The following ENTREP2 variants were observed in gnomAD, a reference collection of about 807,000 sequenced individuals.
ENTREP2 encodes the protein protein ENTREP2.
chr15:29,642,660 T>C, the ENTREP2 span, among the ~76,000 whole-genome samples: 4 of 151,836 alleles, frequency 2.6e-5, no homozygotes, highest in African/African-American at 9.7e-5. Context: ...GTCCCCAGGC[T>C]GAAGTGCAGT....
the ENTREP2 span, among the ~76,000 whole-genome samples, chr15:29,399,817 C>T: frequency 6.6e-6 from 1 of 152,114 alleles, no homozygotes; most frequent in Admixed American, 6.6e-5. Flanking sequence ...TTAAGAAAGT[C>T]ATAAGGAAGA....
chr15:29,471,548 T>C, the ENTREP2 span, among the ~76,000 whole-genome samples: 1 of 151,894 alleles, frequency 6.6e-6, no homozygotes, highest in Non-Finnish European at 1.5e-5. Flanking sequence ...GGCTGGCAGA[T>C]CCCTAGGAAT....
At chr15:29,435,717 G>C in the ENTREP2 span, among the ~76,000 whole-genome samples, 1 of 151,666 alleles carries the variant, frequency 6.6e-6, no homozygotes, top group African/African-American at 2.4e-5. Context: ...ATATGTGTGT[G>C]TGTGTGTATA....
At chr15:29,365,994 G>A in the ENTREP2 span, among the ~76,000 whole-genome samples, 1 of 152,130 alleles carries the variant, frequency 6.6e-6, no homozygotes, top group Non-Finnish European at 1.5e-5. Context: ...CATTGACATG[G>A]ACTGTTAGAT....
At chr15:29,278,637 C>T in the ENTREP2 span, among the ~76,000 whole-genome samples, 60 of 152,284 alleles carry the variant, frequency 3.9e-4, no homozygotes, top group Middle Eastern at 0.01. Context: ...TACTTGCCAC[C>T]TCATACTTTT....
chr15:29,127,701 G>A, the ENTREP2 span, among the ~76,000 whole-genome samples: 1 of 152,184 alleles, frequency 6.6e-6, no homozygotes, highest in Non-Finnish European at 1.5e-5. Context: ...CCAGGTCCCA[G>A]GAGGGAGGAA....
At chr15:29,454,350 G>GTT in the ENTREP2 span, among the ~76,000 whole-genome samples, 2 of 152,104 alleles carry the variant, frequency 1.3e-5, no homozygotes, top group Non-Finnish European at 2.9e-5. Context: ...GGTGGACAGC[G>GTT]TATGTCCTGA....
chr15:29,234,937 TA>T, the ENTREP2 span: 1 of 1,537,246 alleles, frequency 6.5e-7, no homozygotes, highest in Non-Finnish European at 9.0e-7. Flanking sequence ...CTGAGCCAGA[TA>T]AAATATATTC....
the ENTREP2 span, chr15:29,123,362 C>T: frequency 1.0e-4 from 155 of 1,541,002 alleles, 1 homozygote; most frequent in Middle Eastern, 8.4e-4. Flanking sequence ...AGAACGTCAG[C>T]GCCGAAGACG....
the ENTREP2 span, among the ~76,000 whole-genome samples, chr15:29,289,613 AG>A: frequency 6.6e-6 from 1 of 152,112 alleles, no homozygotes; most frequent in African/African-American, 2.4e-5. Context: ...TGGGAGGCCG[AG>A]GTGGGTGGAT....
At chr15:29,181,478 T>C in the ENTREP2 span, among the ~76,000 whole-genome samples, 2 of 152,140 alleles carry the variant, frequency 1.3e-5, no homozygotes, top group Non-Finnish European at 1.5e-5. Context: ...GAAAGCTTGA[T>C]TCATATAATT....
the ENTREP2 span, among the ~76,000 whole-genome samples, chr15:29,320,123 A>G: frequency 2.4e-4 from 36 of 152,328 alleles, no homozygotes; most frequent in South Asian, 4.4e-3. Context: ...ATAAAAGGCT[A>G]GAAACGCTTG....
chr15:29,411,873 C>G, the ENTREP2 span, among the ~76,000 whole-genome samples: 2 of 152,188 alleles, frequency 1.3e-5, no homozygotes, highest in African/African-American at 4.8e-5. Context: ...TCCCTGAATT[C>G]TGCTCCTGGC....
At chr15:29,484,999 C>A in the ENTREP2 span, among the ~76,000 whole-genome samples, 1 of 152,128 alleles carries the variant, frequency 6.6e-6, no homozygotes, top group Non-Finnish European at 1.5e-5. Flanking sequence ...AACCCCAAGA[C>A]TCACCCTGCA....
At chr15:29,267,753 C>T in the ENTREP2 span, 1 of 152,062 alleles carries the variant, frequency 6.6e-6, no homozygotes, top group African/African-American at 2.4e-5. Flanking sequence ...AGTGGCAGCT[C>T]CAGACCAAGG....
At chr15:29,126,488 G>A in the ENTREP2 span, 1 of 1,550,008 alleles carries the variant, frequency 6.5e-7, no homozygotes, top group Non-Finnish European at 8.7e-7. Context: ...GCTGTCAGCT[G>A]GTACTGCAAG....
the ENTREP2 span, among the ~76,000 whole-genome samples, chr15:29,615,575 T>G: frequency 6.6e-6 from 1 of 152,100 alleles, no homozygotes; most frequent in Non-Finnish European, 1.5e-5. Context: ...GTCTTACCCC[T>G]TAAAAGGTGT....
At chr15:29,675,390 G>C in the ENTREP2 span, 1 of 152,350 alleles carries the variant, frequency 6.6e-6, no homozygotes, top group Non-Finnish European at 1.5e-5. Flanking sequence ...CACCCGCAGC[G>C]AGGGGCCGGT....
the ENTREP2 span, among the ~76,000 whole-genome samples, chr15:29,455,874 T>C: frequency 4.6e-5 from 7 of 152,140 alleles, no homozygotes; most frequent in African/African-American, 1.7e-4. Context: ...ATGTAAAGGA[T>C]CTAGGTTGTG....
Sources: allele counts gnomAD v4.1 joint callset (sites outside exome capture counted in the v4.1 genomes callset), GRCh38; gene constraint gnomAD v4.1.1; transcripts MANE v1.5; gene names NCBI Gene and HGNC (gene_info 2026-07-23, HGNC 2026-07-21).